The following CASK variants were observed in gnomAD, a reference collection of about 807,000 sequenced individuals.
CASK encodes the protein calcium/calmodulin dependent serine protein kinase.
Under a neutral mutation model 82.9 loss-of-function variants are expected in CASK, and 4 were observed. The ratio of observed to expected loss-of-function variants is 0.05; its 90% CI spans 0.02 to 0.11. The LOEUF is 0.11. Ranked by LOEUF, CASK falls within the 10% of genes least tolerant of loss-of-function variation. The pLI, the probability that CASK is intolerant of heterozygous loss-of-function variation, is 1.00. For synonymous variants in CASK, 259 were observed against 253.5 expected (o/e 1.02, Z -0.20); for missense variants, 358 against 720.9 (o/e 0.50, Z 5.76).
intron 2 of CASK, among the ~76,000 whole-genome samples, chrX:41,851,096 C>T (rs2071256756): frequency 8.9e-6 from 1 of 111,752 alleles, no homozygotes; most frequent in Non-Finnish European, 1.9e-5. Context: ...ACTTGAATAC[C>T]ACTAAACTCC....
At chrX:41,751,285 G>C (rs2068783185) in intron 3 of CASK, among the ~76,000 whole-genome samples, 1 of 110,736 alleles carries the variant, frequency 9.0e-6, no homozygotes. Flanking sequence ...GACAGGATCT[G>C]GCTATGTTGC....
At chrX:41,533,579 T>G (rs1198115333) in intron 24 of CASK, among the ~76,000 whole-genome samples, 1 of 112,630 alleles carries the variant, frequency 8.9e-6, no homozygotes, top group Non-Finnish European at 1.9e-5. Context: ...AATCTTCACA[T>G]TTTCTCCTGT....
intron 9 of CASK, among the ~76,000 whole-genome samples, chrX:41,630,714 T>C (rs916823415): frequency 3.6e-5 from 4 of 111,453 alleles, no homozygotes; most frequent in Non-Finnish European, 1.9e-5. Flanking sequence ...CACCAGAACA[T>C]ACCAATAGGA....
intron 12 of CASK, among the ~76,000 whole-genome samples, chrX:41,591,247 T>A (rs1264753401): frequency 9.0e-6 from 1 of 111,654 alleles, no homozygotes; most frequent in African/African-American, 3.3e-5. Context: ...TAAATAGTGA[T>A]TAGGTTTCCA....
intron 9 of CASK, among the ~76,000 whole-genome samples, chrX:41,631,353 G>A (rs1413227786): frequency 8.9e-6 from 1 of 111,977 alleles, no homozygotes; most frequent in Non-Finnish European, 1.9e-5. Flanking sequence ...AGCACTTTGG[G>A]AGGCCAAGGT....
chrX:41,745,131 C>T (rs1017464493), intron 4 of CASK, among the ~76,000 whole-genome samples: 1 of 111,961 alleles, frequency 8.9e-6, no homozygotes, highest in Non-Finnish European at 1.9e-5. Flanking sequence ...GATTCTCCTG[C>T]GTCAGCCTTC....
At chrX:41,901,569 A>G (rs1192718175) in intron 1 of CASK, among the ~76,000 whole-genome samples, 1 of 111,520 alleles carries the variant, frequency 9.0e-6, no homozygotes, top group Non-Finnish European at 1.9e-5. Context: ...TTTACCAGTC[A>G]GCCTGTCCAG....
intron 1 of CASK, among the ~76,000 whole-genome samples, chrX:41,900,898 A>G (rs1321418850): frequency 9.2e-6 from 1 of 108,889 alleles, no homozygotes; most frequent in Non-Finnish European, 1.9e-5. Flanking sequence ...GGCGCATGCC[A>G]TGACACCTGG....
At chrX:41,825,140 A>AT (rs2070633192) in intron 2 of CASK, among the ~76,000 whole-genome samples, 1 of 111,560 alleles carries the variant, frequency 9.0e-6, no homozygotes. Flanking sequence ...ATTTTACAGG[A>AT]TGTGATTAAT....
At chrX:41,796,647 C>T (rs1461867036) in intron 2 of CASK, among the ~76,000 whole-genome samples, 1 of 111,937 alleles carries the variant, frequency 8.9e-6, no homozygotes, top group Non-Finnish European at 1.9e-5. Flanking sequence ...AAACAGAACC[C>T]ATGTAGCTGT....
At chrX:41,875,335 T>C (rs1443508148) in intron 1 of CASK, among the ~76,000 whole-genome samples, 1 of 112,047 alleles carries the variant, frequency 8.9e-6, no homozygotes, top group African/African-American at 3.2e-5. Flanking sequence ...TTGAAATGCC[T>C]CTCTTCATAA....
chrX:41,564,806 T>C (rs747286061), intron 16 of CASK, among the ~76,000 whole-genome samples: 10 of 111,521 alleles, frequency 9.0e-5, no homozygotes, highest in African/African-American at 2.9e-4. Context: ...ACACTGCACT[T>C]ATTCTAAAAT....
intron 11 of CASK, among the ~76,000 whole-genome samples, chrX:41,611,833 C>A (rs926124799): frequency 9.0e-6 from 1 of 110,585 alleles, no homozygotes; most frequent in Admixed American, 9.5e-5. Context: ...CGAGTGCCTG[C>A]GATTGCAGGC....
chrX:41,696,914 C>A, intron 5 of CASK: 1 of 412,817 alleles, frequency 2.4e-6, no homozygotes, highest in Non-Finnish European at 4.1e-6. Flanking sequence ...ATTTCATTTG[C>A]TTAACTGTAA....
intron 5 of CASK, among the ~76,000 whole-genome samples, chrX:41,731,394 T>C (rs942003274): frequency 6.2e-5 from 7 of 112,393 alleles, no homozygotes; most frequent in African/African-American, 2.3e-4. Context: ...CATTCCTGCC[T>C]GGGTGACAAA....
At chrX:41,854,728 A>G (rs2071339141) in intron 1 of CASK, among the ~76,000 whole-genome samples, 1 of 112,409 alleles carries the variant, frequency 8.9e-6, no homozygotes, top group Non-Finnish European at 1.9e-5. Flanking sequence ...TCTCTTTTCA[A>G]GCAACCTAAA....
rs183089309 is a variant in CASK at position 41,669,189 on chromosome X, A to G, written c.532+2239T>C. Among the ~76,000 whole-genome samples the G allele has an allele frequency of 2.1e-4, 24 of 112,243 alleles. No individual in the cohort carries two copies. The East Asian group carries it at 5.5e-3, about 26-fold the overall frequency. On this transcript the variant is annotated intron_variant, in intron 6 of 26. Transcript: ENST00000378163. ...AAGAAATGACAATATTTTGACCATC[A>G]GGAAGTATTTTAATTCTAGAAGCAT...
chrX:41,685,787 T>C (rs904495209), intron 5 of CASK, among the ~76,000 whole-genome samples: 4 of 111,792 alleles, frequency 3.6e-5, no homozygotes, highest in African/African-American at 9.8e-5. Context: ...CCGGCTTTTG[T>C]TTCTTAGAGA....
At position 41,519,847 on chromosome X, in the gene CASK, T is replaced by C. The variant is rs1173336588; in HGVS notation, c.*573A>G. Reference sequence around the variant, plus strand: ...AGACAGTATCACATTATCTGGATGTTACATAAAGGACTTAAAAAAAAATAC... The same window carrying C: ...AGACAGTATCACATTATCTGGATGTCACATAAAGGACTTAAAAAAAAATAC... On this transcript the variant is annotated 3_prime_UTR_variant, in exon 27 of 27. Coordinates refer to ENST00000378163, the MANE Select transcript of CASK (RefSeq NM_001367721.1). The C allele has an allele frequency of 2.9e-5, 3 of 104,804 alleles. No homozygotes were observed. Among genetic ancestry groups the C allele is most frequent in the Non-Finnish European group, 5.8e-5 (3 of 51,374 alleles). 8.6% of individuals were successfully genotyped at this position (104,804 alleles called of 1,213,427 possible). A position where few individuals can be genotyped will look rare whatever the true frequency, so the allele number is the denominator to read the frequency against.
Sources: allele counts gnomAD v4.1 joint callset (sites outside exome capture counted in the v4.1 genomes callset), GRCh38; gene constraint gnomAD v4.1.1; transcripts MANE v1.5; gene names NCBI Gene and HGNC (gene_info 2026-07-23, HGNC 2026-07-21).